The following PROS1 variants were observed in gnomAD, a reference collection of about 807,000 sequenced individuals.
PROS1 encodes the protein vitamin K-dependent protein S.
A neutral mutation model predicts 75.9 loss-of-function variants in PROS1; 29 were observed. The observed-to-expected ratio is 0.38, with a 90% CI of 0.28 to 0.52. The LOEUF is 0.52. Ranked by LOEUF, PROS1 falls within the 20% of genes least tolerant of loss-of-function variation. The probability of loss-of-function intolerance (pLI) is 0.83; values close to 1 mark genes in which losing one functional copy is unlikely to be tolerated. For synonymous variants in PROS1, 245 were observed against 280.6 expected (o/e 0.87, Z 1.27); for missense variants, 680 against 810.3 (o/e 0.84, Z 1.95).
chr3:93,887,685 C>G (rs1229435087), intron 10 of PROS1, among the ~76,000 whole-genome samples: 1 of 152,206 alleles, frequency 6.6e-6, no homozygotes, highest in East Asian at 1.9e-4. Context: ...ACTTTCTTAA[C>G]TTAGCCTACA....
rs768097849 is a variant in PROS1 at position 93,884,896 on chromosome 3, T to C, written c.1324A>G (p.Ile442Val). Reference protein sequence around the residue: ...RKVESELIKPINPRLDGCIRS... With the variant: ...RKVESELIKPVNPRLDGCIRS... ...ATACATCCATCTAGACGAGGGTTAA[T>C]CTAACAAATTAAAATACAAGTCAAG... Residue 442 changes from isoleucine to valine, a missense_variant and splice_region_variant, in exon 12 of 15, where the codon ATT becomes GTT. Physicochemically the swap from Ile to Val is conservative, Grantham distance 29. Coordinates refer to ENST00000394236, the MANE Select transcript of PROS1 (RefSeq NM_000313.4). 2.7e-5 allele frequency: 43 copies of C among 1,611,744 alleles called. No homozygotes were observed. The African/African-American group carries it at 4.9e-4, about 19-fold the overall frequency.
At chr3:93,921,619 G>A (rs1156422092) in intron 3 of PROS1, among the ~76,000 whole-genome samples, 2 of 152,050 alleles carry the variant, frequency 1.3e-5, no homozygotes, top group Non-Finnish European at 2.9e-5. Flanking sequence ...GATATTTTAT[G>A]TTTTTCTAGG....
intron 12 of PROS1, among the ~76,000 whole-genome samples, chr3:93,881,225 G>A (rs905656257): frequency 3.9e-5 from 6 of 152,138 alleles, no homozygotes; most frequent in African/African-American, 1.4e-4. Flanking sequence ...GGGAGGCTGA[G>A]GCAGGAGGAT....
Position 93,906,049 on chromosome 3 carries a change from T to C in PROS1, c.441A>G (p.Pro147=). The C allele has an allele frequency of 6.2e-7, 1 of 1,614,150 alleles. No homozygotes were observed. The highest frequency in any genetic ancestry group is 8.5e-7 in the Non-Finnish European group (1 of 1,180,020). The change falls in exon 5 of 15, where the codon CCA becomes CCG. Residue 147 remains proline (P), a synonymous_variant. Coordinates refer to ENST00000394236, the MANE Select transcript of PROS1 (RefSeq NM_000313.4). ...GKASFTCTCK[P]GWQGEKCEFD... ...ATTCACACTTTTCTCCTTGCCAACC[T>C]GGTTTACAAGTGCAAGTAAAAGAAG...
chr3:93,910,777 G>T (rs1348773603), intron 3 of PROS1, 72 bp from the exon 4 acceptor site: 4 of 1,232,420 alleles, frequency 3.2e-6, no homozygotes, highest in East Asian at 2.5e-5. Context: ...GGTAGGAACT[G>T]TCCCAAGAGG....
intron 3 of PROS1, among the ~76,000 whole-genome samples, chr3:93,914,999 T>G (rs989104490): frequency 3.9e-5 from 6 of 152,322 alleles, no homozygotes; most frequent in South Asian, 4.1e-4. Context: ...GGTAGTCTCT[T>G]TGGGAAATGG....
intron 1 of PROS1, among the ~76,000 whole-genome samples, chr3:93,936,871 G>A (rs1483384657): frequency 6.6e-6 from 1 of 152,100 alleles, no homozygotes; most frequent in East Asian, 1.9e-4. Context: ...TAAGATAAAT[G>A]TTTAAAAATT....
At position 93,973,662 on chromosome 3, in the gene PROS1, T is replaced by C. The variant is rs760531453; in HGVS notation, c.76+12A>G. 4 of 1,613,146 alleles carry C rather than the reference T, an allele frequency of 2.5e-6. No homozygotes were observed. The highest frequency in any genetic ancestry group is 4.5e-5 in the East Asian group (2 of 44,856). ...GCTGGGGAAGGGAGAAGAGACGCTA[T>C]TGATTACTCACAGTTTGCCTCTGAG... On this transcript the variant is annotated intron_variant, in intron 1 of 14. Coordinates refer to ENST00000394236, the MANE Select transcript of PROS1 (RefSeq NM_000313.4).
At chr3:93,905,995 TG>T in intron 5 of PROS1, 25 bp downstream of exon 5, 2 of 1,611,984 alleles carry the variant, frequency 1.2e-6, no homozygotes, top group Non-Finnish European at 1.7e-6. Flanking sequence ...CCTGATGAGC[TG>T]GGGGGCGGGG....
At chr3:93,955,491 C>G (rs1438830530) in intron 1 of PROS1, among the ~76,000 whole-genome samples, 1 of 152,042 alleles carries the variant, frequency 6.6e-6, no homozygotes, top group Non-Finnish European at 1.5e-5. Flanking sequence ...AAACCAAACA[C>G]TGCATGTTCT....
rs370855515 is a variant in PROS1, at chr3:93,900,855, A to T, written c.676T>A (p.Cys226Ser). Residue 226 changes from cysteine to serine, a missense_variant, in exon 7 of 15, where the codon TGT becomes AGT. Transcript: ENST00000394236. Reference sequence around the variant, plus strand: ...TATCTGTAGCCTTCGGGGCATTCACATTCAAAATCTCCTGGGATGTTCTTG... The same window carrying T: ...TATCTGTAGCCTTCGGGGCATTCACTTTCAAAATCTCCTGGGATGTTCTTG... The part of the protein sequence containing the change: ...VCKNIPGDFE[C>S]ECPEGYRYNL... The T allele has an allele frequency of 1.9e-6, 3 of 1,614,050 alleles. No homozygotes were observed. The highest frequency in any genetic ancestry group is 2.5e-6 in the Non-Finnish European group (3 of 1,179,996).
At chr3:93,902,768 G>A (rs1160396703) in intron 6 of PROS1, among the ~76,000 whole-genome samples, 1 of 151,800 alleles carries the variant, frequency 6.6e-6, no homozygotes, top group Non-Finnish European at 1.5e-5. Context: ...AAAAGAAGAA[G>A]AAGAAGAAAA....
At chr3:93,946,567 A>T (rs1361281086) in intron 1 of PROS1, among the ~76,000 whole-genome samples, 1 of 152,198 alleles carries the variant, frequency 6.6e-6, no homozygotes, top group Non-Finnish European at 1.5e-5. Context: ...AGGATTCCCT[A>T]TTTAAAAAAT....
chr3:93,971,255 G>A (rs1460341303), intron 1 of PROS1, among the ~76,000 whole-genome samples: 9 of 151,552 alleles, frequency 5.9e-5, no homozygotes, highest in Admixed American at 5.9e-4. Flanking sequence ...GGCTGAGGTG[G>A]GGGGATCACT....
At chr3:93,956,999 A>G (rs1485877936) in intron 1 of PROS1, among the ~76,000 whole-genome samples, 4 of 152,208 alleles carry the variant, frequency 2.6e-5, no homozygotes, top group Non-Finnish European at 5.9e-5. Context: ...TAACCTGAGG[A>G]AATAAACATG....
chr3:93,955,436 T>G (rs1709583324), intron 1 of PROS1, among the ~76,000 whole-genome samples: 1 of 152,190 alleles, frequency 6.6e-6, no homozygotes, highest in African/African-American at 2.4e-5. Flanking sequence ...GGGACATGGA[T>G]GAAGCTGGAA....
intron 1 of PROS1, among the ~76,000 whole-genome samples, chr3:93,952,403 T>C (rs1709516326): frequency 1.3e-5 from 2 of 152,084 alleles, no homozygotes; most frequent in Non-Finnish European, 2.9e-5. Context: ...GCAATCAAAC[T>C]AGAACTCAGG....
intron 12 of PROS1, 139 bp from the exon 13 acceptor site, chr3:93,879,453 A>G: frequency 1.6e-6 from 2 of 1,240,942 alleles, no homozygotes; most frequent in Admixed American, 3.7e-5. Context: ...AATGATCTAT[A>G]TAACCTAGGC....
intron 10 of PROS1, among the ~76,000 whole-genome samples, chr3:93,886,951 G>T (rs1285773290): frequency 7.9e-5 from 11 of 139,954 alleles, no homozygotes; most frequent in Non-Finnish European, 1.7e-4. Context: ...TCGCTCTGTC[G>T]CCCAGGCCAG....
Sources: allele counts gnomAD v4.1 joint callset (sites outside exome capture counted in the v4.1 genomes callset), GRCh38; gene constraint gnomAD v4.1.1; transcripts MANE v1.5; gene names NCBI Gene and HGNC (gene_info 2026-07-23, HGNC 2026-07-21).